The following ADGRG5 variants were observed in gnomAD, a reference collection of about 807,000 sequenced individuals.
ADGRG5 encodes the protein adhesion G protein-coupled receptor G5.
ADGRG5 carries 37 observed loss-of-function variants against 53.2 expected under a neutral mutation model. That is an observed-to-expected ratio of 0.70 (90% CI 0.53 to 0.91). The LOEUF is 0.91. ADGRG5 is among the 40% of genes least tolerant of loss of function. The pLI, the probability that ADGRG5 is intolerant of heterozygous loss-of-function variation, is 0.00. For missense variants in ADGRG5, 614 were observed against 675.8 expected, an observed-to-expected ratio of 0.91 and a Z score of 1.01; for synonymous variants, 277 against 290.4, an observed-to-expected ratio of 0.95 and a Z score of 0.47.
At chr16:57,531,164 T>G in the ADGRG5 span, among the ~76,000 whole-genome samples, 3 of 151,672 alleles carry the variant, frequency 2.0e-5, no homozygotes, top group Non-Finnish European at 1.5e-5. Flanking sequence ...TTCCCATACC[T>G]CCAACCGGAT....
At chr16:57,545,331 G>C (rs1164372533) in intron 1 of ADGRG5, among the ~76,000 whole-genome samples, 2 of 152,210 alleles carry the variant, frequency 1.3e-5, no homozygotes, top group Non-Finnish European at 2.9e-5. Flanking sequence ...ATGGACTGGA[G>C]ATTTCAATTT....
At position 57,567,548 on chromosome 16, in the gene ADGRG5, A is replaced by G. The variant is rs745466141; in HGVS notation, c.778A>G (p.Ile260Val). 2.2e-5 allele frequency: 35 copies of G among 1,611,690 alleles called. No homozygotes were observed. Among genetic ancestry groups the G allele is most frequent in the Non-Finnish European group, 2.6e-5 (31 of 1,179,870 alleles). The change falls in exon 8 of 12, where the codon ATC (isoleucine) becomes GTC (valine). Residue 260 changes from isoleucine to valine, a missense_variant. Transcript: ENST00000349457. The part of the protein sequence containing the change: ...YISLVGCSIS[I>V]VASLITVLLH... ...CTCCCTCGTGGGCTGCAGCATCTCCATCGTGGCCTCGCTGATCACAGTCCT... is the reference window on the plus strand; with the variant it reads ...CTCCCTCGTGGGCTGCAGCATCTCCGTCGTGGCCTCGCTGATCACAGTCCT...
At chr16:57,531,359 C>T in the ADGRG5 span, among the ~76,000 whole-genome samples, 2 of 152,046 alleles carry the variant, frequency 1.3e-5, no homozygotes, top group African/African-American at 4.8e-5. Context: ...TCCTCCCCCA[C>T]CCACCGCCAA....
At chr16:57,542,212 G>T (rs909972332), upstream of ADGRG5, among the ~76,000 whole-genome samples, 8 of 152,242 alleles carry the variant, frequency 5.3e-5, no homozygotes, top group Non-Finnish European at 1.0e-4. Context: ...TGACCAAGCT[G>T]CTGCCTGAGG....
chr16:57,555,006 T>G (rs1044731578), intron 1 of ADGRG5, among the ~76,000 whole-genome samples: 23 of 152,196 alleles, frequency 1.5e-4, no homozygotes, highest in African/African-American at 5.3e-4. Flanking sequence ...TTAATTCTAG[T>G]TTAAGTTCCT....
At chr16:57,553,811 C>T (rs1350338779) in intron 1 of ADGRG5, among the ~76,000 whole-genome samples, 1 of 152,164 alleles carries the variant, frequency 6.6e-6, no homozygotes, top group African/African-American at 2.4e-5. Flanking sequence ...TTTTGGTATA[C>T]AGTAATATTA....
intron 7 of ADGRG5, among the ~76,000 whole-genome samples, chr16:57,567,062 T>C (rs1216744843): frequency 6.6e-6 from 1 of 152,182 alleles, no homozygotes; most frequent in Non-Finnish European, 1.5e-5. Flanking sequence ...CTGGCAGCAG[T>C]TCCAGGCTCA....
chr16:57,573,662 C>T (rs1409989087), intron 10 of ADGRG5, among the ~76,000 whole-genome samples: 1 of 152,158 alleles, frequency 6.6e-6, no homozygotes, highest in African/African-American at 2.4e-5. Flanking sequence ...AGTCATTTGG[C>T]ATATGCCCTA....
the ADGRG5 span, among the ~76,000 whole-genome samples, chr16:57,529,853 G>A: frequency 0.037 from 5,584 of 152,264 alleles, 197 homozygotes; most frequent in African/African-American, 0.091. This position sits in a 1 kb window ranked among gnomAD's most constrained non-coding sequence, Gnocchi z 4.1. Flanking sequence ...AACCAAGGCT[G>A]TGAGTTTGCT....
intron 1 of ADGRG5, among the ~76,000 whole-genome samples, chr16:57,549,873 C>T (rs1015403399): frequency 6.6e-6 from 1 of 152,184 alleles, no homozygotes; most frequent in African/African-American, 2.4e-5. Flanking sequence ...CCATTTTAAT[C>T]CTAGTCATTC....
intron 1 of ADGRG5, among the ~76,000 whole-genome samples, chr16:57,551,861 T>G (rs1361254295): frequency 6.6e-6 from 1 of 152,198 alleles, no homozygotes; most frequent in Non-Finnish European, 1.5e-5. Flanking sequence ...GAAATTTGTT[T>G]CCTAAATAAT....
chr16:57,548,951 G>T (rs1234431680), intron 1 of ADGRG5, among the ~76,000 whole-genome samples: 2 of 152,090 alleles, frequency 1.3e-5, no homozygotes, highest in African/African-American at 4.8e-5. Flanking sequence ...ATTTCTCTGG[G>T]ATAAAAGCCC....
chr16:57,532,742 G>GAC, the ADGRG5 span, among the ~76,000 whole-genome samples: 3 of 150,076 alleles, frequency 2.0e-5, no homozygotes, highest in South Asian at 2.1e-4. Context: ...CACAGAGGCA[G>GAC]ACACACACAC....
chr16:57,565,598 C>T (rs2033112990), intron 6 of ADGRG5: 1 of 215,160 alleles, frequency 4.6e-6, no homozygotes, highest in Admixed American at 5.5e-5. Context: ...ACTCCCCACC[C>T]ACAACCTGCC....
At chr16:57,547,748 G>GTTTTTTGT (rs1307352128) in intron 1 of ADGRG5, among the ~76,000 whole-genome samples, 1 of 150,988 alleles carries the variant, frequency 6.6e-6, no homozygotes, top group East Asian at 2.0e-4. Context: ...CGCCCAGCCT[G>GTTTTTTGT]TTTTTTGTTT....
At chr16:57,562,221 G>A (rs2033021313) in intron 2 of ADGRG5, 64 bp downstream of exon 2, 1 of 1,514,526 alleles carries the variant, frequency 6.6e-7, no homozygotes, top group Non-Finnish European at 9.0e-7. Context: ...ATGCAAAAGG[G>A]GGAGGCGTCA....
At position 57,563,256 on chromosome 16, in the gene ADGRG5, C is replaced by T; in HGVS notation, c.297+9C>T. ...TGAAGCGGGTGCCCCAGGTCAGAGG[C>T]TGCGGGTTGGGGGGTGTGGCCAGCT... On this transcript the variant is annotated intron_variant, in intron 4 of 11. Transcript: ENST00000349457. 2 of 1,612,872 alleles carry T rather than the reference C, an allele frequency of 1.2e-6. No individual in the cohort carries two copies. Among genetic ancestry groups the T allele is most frequent in the Non-Finnish European group, 1.7e-6 (2 of 1,179,634 alleles).
At chr16:57,572,717 C>A (rs1003808077) in intron 10 of ADGRG5, among the ~76,000 whole-genome samples, 3 of 152,160 alleles carry the variant, frequency 2.0e-5, no homozygotes, top group Admixed American at 1.3e-4. Flanking sequence ...CAAATACAAC[C>A]CTTGAAAATC....
chr16:57,531,019 C>T, the ADGRG5 span, among the ~76,000 whole-genome samples: 1 of 151,902 alleles, frequency 6.6e-6, no homozygotes, highest in Non-Finnish European at 1.5e-5. Context: ...CCCAGGTGAA[C>T]CCCCTGGGCT....
Sources: allele counts gnomAD v4.1 joint callset (sites outside exome capture counted in the v4.1 genomes callset), GRCh38; gene constraint gnomAD v4.1.1; non-coding constraint Gnocchi (gnomAD v3.1); transcripts MANE v1.5; gene names NCBI Gene and HGNC (gene_info 2026-07-23, HGNC 2026-07-21).